Variants in MYO5B observed in about 807,000 individuals in gnomAD.
The protein encoded by MYO5B is unconventional myosin-Vb.
MYO5B carries 143 observed loss-of-function variants against 229.3 expected under a neutral mutation model. That is an observed-to-expected ratio of 0.62 (90% CI 0.54 to 0.72). The LOEUF (loss-of-function observed/expected upper bound fraction) is 0.72. MYO5B is among the 30% of genes least tolerant of loss of function. The probability of loss-of-function intolerance (pLI) is 0.00; values close to 1 mark genes in which losing one functional copy is unlikely to be tolerated. For missense variants in MYO5B, 2,321 were observed against 2,331.0 expected, an observed-to-expected ratio of 1.00 and a Z score of 0.09; for synonymous variants, 918 against 885.2, an observed-to-expected ratio of 1.04 and a Z score of -0.66.
intron 1 of MYO5B, among the ~76,000 whole-genome samples, chr18:50,076,625 TA>T (rs1335653681): frequency 2.0e-5 from 3 of 152,166 alleles, no homozygotes; most frequent in Non-Finnish European, 4.4e-5. Context: ...GCAGTTGGTC[TA>T]AATAAGACAA....
intron 8 of MYO5B, among the ~76,000 whole-genome samples, chr18:49,982,931 C>A (rs1304950879): frequency 1.3e-5 from 2 of 152,170 alleles, no homozygotes; most frequent in Non-Finnish European, 2.9e-5. Flanking sequence ...GCAATCCTCT[C>A]CTTATATCAG....
chr18:49,953,968 TGTGTGTGTGTA>T (rs2025460150), intron 13 of MYO5B, among the ~76,000 whole-genome samples: 1 of 107,402 alleles, frequency 9.3e-6, no homozygotes. Context: ...TGTGTGTGTA[TGTGTGTGTGTA>T]TAGACTATAT....
chr18:50,020,220 CTCCACTCCCCAGGGA>C (rs777724691), intron 4 of MYO5B, among the ~76,000 whole-genome samples: 3 of 152,192 alleles, frequency 2.0e-5, no homozygotes, highest in Admixed American at 6.5e-5. Context: ...TTGATCCTAT[CTCCACTCCCCAGGGA>C]TTTGCCAGGG....
At chr18:49,934,293 T>C (rs1168839717) in intron 16 of MYO5B, among the ~76,000 whole-genome samples, 1 of 152,110 alleles carries the variant, frequency 6.6e-6, no homozygotes, top group African/African-American at 2.4e-5. Flanking sequence ...AGCTTGCGAC[T>C]GGCCAAATCA....
intron 4 of MYO5B, among the ~76,000 whole-genome samples, chr18:50,017,529 T>C (rs111939464): frequency 4.6e-5 from 7 of 152,368 alleles, no homozygotes; most frequent in African/African-American, 1.4e-4. Context: ...GGAGAGATTA[T>C]ATTTTAATTT....
chr18:49,937,213 C>T, intron 15 of MYO5B, 32 bp downstream of exon 15: 1 of 1,613,486 alleles, frequency 6.2e-7, no homozygotes, highest in Non-Finnish European at 8.5e-7. Context: ...TGCACATGCA[C>T]CTCAGCCCAT....
At chr18:49,996,077 T>C (rs2025983952) in intron 5 of MYO5B, among the ~76,000 whole-genome samples, 1 of 152,246 alleles carries the variant, frequency 6.6e-6, no homozygotes, top group Non-Finnish European at 1.5e-5. Flanking sequence ...TCCAATTTCT[T>C]ACTTTCTAAG....
At chr18:50,193,311 G>A (rs1022171121) in intron 1 of MYO5B, among the ~76,000 whole-genome samples, 3 of 152,198 alleles carry the variant, frequency 2.0e-5, no homozygotes, top group African/African-American at 4.8e-5. Flanking sequence ...GCCCATCCCT[G>A]ATCGCTGCAC....
At chr18:49,889,946 G>T (rs2024689965) in intron 22 of MYO5B, among the ~76,000 whole-genome samples, 1 of 152,212 alleles carries the variant, frequency 6.6e-6, no homozygotes, top group Non-Finnish European at 1.5e-5. Flanking sequence ...ATTCATGAAT[G>T]CAGGTCTCTG....
rs760958642 is a variant in MYO5B, at chr18:49,904,765, C to T, written c.2478G>A (p.Gln826=). The change falls in exon 20 of 40, where the codon CAG becomes CAA. Residue 826 remains glutamine, a synonymous_variant. Transcript: ENST00000285039. The stretch of plus-strand genomic sequence containing the variant: ...CCCTCTGGTAGGCCTGGCGGGCCCT[C>T]TGCATGCGGTAATGTTTCTGGAGCA... ...AVVLQKHYRM[Q]RARQAYQRVR... The T allele has an allele frequency of 8.1e-6, 13 of 1,614,032 alleles. No individual in the cohort carries two copies. Among genetic ancestry groups the T allele is most frequent in the Middle Eastern group, 3.3e-4 (2 of 6,062 alleles).
chr18:49,919,908 C>G (rs931748049), intron 17 of MYO5B, among the ~76,000 whole-genome samples: 1 of 152,188 alleles, frequency 6.6e-6, no homozygotes, highest in African/African-American at 2.4e-5. Context: ...GTAGAAACAA[C>G]CAAACATCCA....
rs2025448023 is a variant in MYO5B, at chr18:49,953,189, G to T, written c.1752+71C>A. ...TCTGTCTTTCCACCCCAAGGAGGTTGCATCACCACTCCCTGTCCAGCACTG... is the reference window on the plus strand; with the variant it reads ...TCTGTCTTTCCACCCCAAGGAGGTTTCATCACCACTCCCTGTCCAGCACTG... On this transcript the variant is annotated intron_variant, in intron 14 of 39. Transcript: ENST00000285039. 37 of 1,390,698 alleles carry T rather than the reference G, an allele frequency of 2.7e-5. No homozygotes were observed. In the South Asian group the frequency reaches 4.3e-4, roughly 16 times the overall value. 86.1% of individuals were successfully genotyped at this position (1,390,698 alleles called of 1,614,324 possible). A position where few individuals can be genotyped will look rare whatever the true frequency, so the allele number is the denominator to read the frequency against.
At chr18:50,120,603 C>T (rs1258966317) in intron 1 of MYO5B, among the ~76,000 whole-genome samples, 1 of 152,180 alleles carries the variant, frequency 6.6e-6, no homozygotes, top group African/African-American at 2.4e-5. Context: ...AGGAGCCAGC[C>T]AGCAATCCAG....
Position 49,910,114 on chromosome 18 carries a change from C to T in MYO5B, c.2202+1948G>A, listed in dbSNP as rs563081452. 4.1e-4 allele frequency among the ~76,000 whole-genome samples: 62 copies of T among 152,318 alleles called. No homozygotes were observed. In the Middle Eastern group the frequency reaches 0.01, roughly 25 times the overall value. ...CTGAAGCCGAGCACTGAGAAGCAGG[C>T]AGGCTCCCCGTCAGTGAAGAGAAGA... is the stretch of plus-strand genomic sequence containing the variant. On this transcript the variant is annotated intron_variant, in intron 18 of 39. Transcript: ENST00000285039.
At chr18:49,981,097 T>C (rs1444624733) in intron 8 of MYO5B, among the ~76,000 whole-genome samples, 1 of 152,234 alleles carries the variant, frequency 6.6e-6, no homozygotes, top group Non-Finnish European at 1.5e-5. Flanking sequence ...CGCCACACTA[T>C]ATGCACTGTC....
intron 2 of MYO5B, among the ~76,000 whole-genome samples, chr18:50,047,576 C>T (rs1272494537): frequency 6.6e-6 from 1 of 152,168 alleles, no homozygotes; most frequent in Non-Finnish European, 1.5e-5. Flanking sequence ...TTGATACAGC[C>T]ATCCCATTAC....
At chr18:50,189,286 G>A (rs2033195799) in intron 1 of MYO5B, among the ~76,000 whole-genome samples, 1 of 152,180 alleles carries the variant, frequency 6.6e-6, no homozygotes, top group Non-Finnish European at 1.5e-5. Context: ...TAGGGGAGTA[G>A]AGAAGGTGGA....
chr18:49,978,859 C>T (rs996107043), intron 9 of MYO5B, among the ~76,000 whole-genome samples: 3 of 152,048 alleles, frequency 2.0e-5, no homozygotes, highest in Non-Finnish European at 4.4e-5. Context: ...GACCACAGAG[C>T]ACATCTGTCA....
intron 31 of MYO5B, among the ~76,000 whole-genome samples, chr18:49,852,375 C>T (rs2024211433): frequency 6.6e-6 from 1 of 152,178 alleles, no homozygotes; most frequent in South Asian, 2.1e-4. Flanking sequence ...TTTCATAAAG[C>T]CACCAGGTAA....
Sources: gnomAD v4.1 joint callset for allele counts (sites outside exome capture counted in the v4.1 genomes callset) on GRCh38, gnomAD v4.1.1 for gene constraint, MANE v1.5 for transcripts, NCBI Gene and HGNC (gene_info 2026-07-23, HGNC 2026-07-21) for gene names.